Variants in EXOC4 observed in about 807,000 individuals in gnomAD.
The protein encoded by EXOC4 is exocyst complex component 4, also known as SEC8-like 1.
Under a neutral mutation model 107.2 loss-of-function variants are expected in EXOC4, and 71 were observed. The ratio of observed to expected loss-of-function variants is 0.66; its 90% CI spans 0.55 to 0.81. The LOEUF is 0.81. Ranked by LOEUF, EXOC4 falls within the 30% of genes least tolerant of loss-of-function variation. The pLI is 0.00. For missense variants in EXOC4, 1,108 were observed against 1,189.6 expected (o/e 0.93, Z 1.01); for synonymous variants, 456 against 441.2 (o/e 1.03, Z -0.42).
chr7:133,338,830 T>C (rs1260531306), intron 5 of EXOC4, among the ~76,000 whole-genome samples: 3 of 144,640 alleles, frequency 2.1e-5, no homozygotes, highest in Admixed American at 1.4e-4. Context: ...CTCAGCTCAC[T>C]GCAACCTCTG....
chr7:133,318,791 A>G (rs1334133422), intron 5 of EXOC4, among the ~76,000 whole-genome samples: 8 of 152,238 alleles, frequency 5.3e-5, no homozygotes, highest in East Asian at 1.9e-4. Context: ...ACAGGAAAGT[A>G]TAGAATTTGA....
chr7:133,316,593 A>AT (rs1346274148), intron 4 of EXOC4, among the ~76,000 whole-genome samples: 5 of 152,196 alleles, frequency 3.3e-5, no homozygotes, highest in African/African-American at 1.2e-4. Context: ...TTTAAAATTA[A>AT]TGTGTTTATT....
chr7:134,085,414 A>T, the EXOC4 span, among the ~76,000 whole-genome samples: 34 of 152,350 alleles, frequency 2.2e-4, no homozygotes, highest in Middle Eastern at 3.4e-3. Context: ...TTATGCAAGA[A>T]AAACTGCTGA....
chr7:133,604,294 T>C, intron 9 of EXOC4, among the ~76,000 whole-genome samples: 1 of 152,344 alleles, frequency 6.6e-6, no homozygotes, highest in South Asian at 2.1e-4. Flanking sequence ...AAGTGTAGTA[T>C]AGTAAATACA....
intron 12 of EXOC4, among the ~76,000 whole-genome samples, chr7:133,897,143 G>A (rs1270704990): frequency 1.3e-5 from 2 of 151,810 alleles, no homozygotes; most frequent in Non-Finnish European, 2.9e-5. Context: ...CATTATAAGT[G>A]AGCAAGGAAG....
chr7:134,075,296 G>T, the EXOC4 span, among the ~76,000 whole-genome samples: 1 of 152,262 alleles, frequency 6.6e-6, no homozygotes, highest in African/African-American at 2.4e-5. Context: ...AATATATCTT[G>T]CTCTCCCTCT....
chr7:133,294,355 A>G (rs1794472014), intron 3 of EXOC4, among the ~76,000 whole-genome samples: 1 of 152,168 alleles, frequency 6.6e-6, no homozygotes, highest in Non-Finnish European at 1.5e-5. Flanking sequence ...ACAAGTTCTG[A>G]TTTATCATCC....
At chr7:133,421,310 C>T (rs1246354679) in intron 7 of EXOC4, among the ~76,000 whole-genome samples, 1 of 152,162 alleles carries the variant, frequency 6.6e-6, no homozygotes, top group African/African-American at 2.4e-5. Context: ...TTGTGTCTAA[C>T]CACAGTCCTT....
chr7:134,044,600 C>G (rs1337299098), intron 17 of EXOC4, among the ~76,000 whole-genome samples: 1 of 151,716 alleles, frequency 6.6e-6, no homozygotes, highest in Non-Finnish European at 1.5e-5. Flanking sequence ...TCATCCATTA[C>G]CACGCATAAA....
intron 5 of EXOC4, among the ~76,000 whole-genome samples, chr7:133,323,646 A>G (rs1177739027): frequency 6.6e-6 from 1 of 152,208 alleles, no homozygotes. Flanking sequence ...CATCAAGTTC[A>G]TCAGGGATAT....
Position 134,004,802 on chromosome 7 carries a change from T to TA in EXOC4, c.2349-109dup. ...AAGTGTTGGCTATCATGGCTAGTCT[T>TA]ACATTTATTAATGATAATTTATTAG... On this transcript the variant is annotated intron_variant, in intron 15 of 17. Coordinates refer to ENST00000253861, the MANE Select transcript of EXOC4 (RefSeq NM_021807.4). The TA allele has an allele frequency of 8.9e-6, 8 of 901,796 alleles. No homozygotes were observed. In the South Asian group the frequency reaches 1.4e-4, roughly 16 times the overall value. The allele number at this position is 901,796 out of a possible 1,614,324, so 55.9% of individuals were successfully genotyped here.
At chr7:133,823,843 T>TTA (rs869279764) in intron 11 of EXOC4, among the ~76,000 whole-genome samples, 12 of 18,702 alleles carry the variant, frequency 6.4e-4, no homozygotes, top group East Asian at 4.0e-3. Context: ...TATATATATA[T>TTA]TATATATATA....
Position 133,332,907 on chromosome 7 carries a change from T to A in EXOC4, c.763+15517T>A, listed in dbSNP as rs562921511. Among the ~76,000 whole-genome samples, 9 of 152,272 alleles carry A rather than the reference T, an allele frequency of 5.9e-5. No homozygotes were observed. In the South Asian group the frequency reaches 1.9e-3, roughly 32 times the overall value. ...ACCCTTCTGGGTGGGAAGTTATAGATTATATTTTTGTTCTTTTAGATTTTA... is the reference window on the plus strand; with the variant it reads ...ACCCTTCTGGGTGGGAAGTTATAGAATATATTTTTGTTCTTTTAGATTTTA... On this transcript the variant is annotated intron_variant, in intron 5 of 17. Transcript: ENST00000253861.
chr7:133,829,138 A>G (rs1797758577), intron 11 of EXOC4, among the ~76,000 whole-genome samples: 1 of 152,198 alleles, frequency 6.6e-6, no homozygotes, highest in Admixed American at 6.5e-5. Context: ...AAAGACACAA[A>G]AGGTAAAACT....
At chr7:133,908,604 C>T (rs1460388616) in intron 12 of EXOC4, among the ~76,000 whole-genome samples, 2 of 152,148 alleles carry the variant, frequency 1.3e-5, no homozygotes, top group African/African-American at 2.4e-5. Flanking sequence ...CTCTGTATTT[C>T]GCCTATCAAA....
At chr7:133,483,972 A>G (rs946397214) in intron 9 of EXOC4, 1 of 1,547,952 alleles carries the variant, frequency 6.5e-7, no homozygotes, top group Non-Finnish European at 8.9e-7. Context: ...TTCTGTTAAC[A>G]CCATATAGCG....
chr7:133,515,037 C>T (rs1306709753), intron 9 of EXOC4, among the ~76,000 whole-genome samples: 1 of 151,984 alleles, frequency 6.6e-6, no homozygotes, highest in African/African-American at 2.4e-5. Context: ...ATATTAATGT[C>T]AAAATAACAA....
At chr7:133,682,047 C>T (rs533876871) in intron 10 of EXOC4, among the ~76,000 whole-genome samples, 9 of 152,064 alleles carry the variant, frequency 5.9e-5, no homozygotes, top group Non-Finnish European at 8.8e-5. Flanking sequence ...ACCACAGGCA[C>T]GTATAACCAT....
At chr7:133,714,848 G>C (rs1369801749) in intron 10 of EXOC4, among the ~76,000 whole-genome samples, 1 of 152,098 alleles carries the variant, frequency 6.6e-6, no homozygotes, top group Non-Finnish European at 1.5e-5. Flanking sequence ...GACTACAAAA[G>C]AGCAAACAGA....
Sources: allele counts gnomAD v4.1 joint callset (sites outside exome capture counted in the v4.1 genomes callset), GRCh38; gene constraint gnomAD v4.1.1; transcripts MANE v1.5; gene names NCBI Gene and HGNC (gene_info 2026-07-23, HGNC 2026-07-21).